The following PCDHGA6 variants were observed in gnomAD, a reference collection of about 807,000 sequenced individuals.
PCDHGA6 encodes the protein protocadherin gamma subfamily A, 6.
PCDHGA6 carries 41 observed loss-of-function variants against 60.6 expected under a neutral mutation model. The ratio of observed to expected loss-of-function variants is 0.68; its 90% confidence interval spans 0.53 to 0.88. The LOEUF (loss-of-function observed/expected upper bound fraction) is 0.88. Among genes scored for constraint, PCDHGA6 ranks in the 40% least tolerant of loss-of-function variants. The probability of loss-of-function intolerance (pLI) is 0.00; values close to 1 mark genes in which losing one functional copy is unlikely to be tolerated. For missense variants in PCDHGA6, 1,312 were observed against 1,203.0 expected, an observed-to-expected ratio of 1.09 and a Z score of -1.34; for synonymous variants, 594 against 524.4, an observed-to-expected ratio of 1.13 and a Z score of -1.81.
chr5:141,432,908 C>G lies in PCDHGA6; in HGVS notation c.2424+56401C>G, dbSNP rs757934634. 6.2e-7 allele frequency: 1 copy of G among 1,614,168 alleles called. No homozygotes were observed. Reference sequence around the variant, plus strand: ...CATCTTGCTGCTGGCGCTCAGGCTGCGGCGCTGGCACAAGTCACGCCTGCT... The same window carrying G: ...CATCTTGCTGCTGGCGCTCAGGCTGGGGCGCTGGCACAAGTCACGCCTGCT... On this transcript the variant is annotated intron_variant, in intron 1 of 3. Transcript: ENST00000517434. This position sits in a 1 kb window ranked among gnomAD's most constrained non-coding sequence, Gnocchi z 6.0.
In PCDHGA6 at chr5:141,503,070, G is replaced by A. The variant is rs868143537; in HGVS notation, c.2484-2323G>A. 1.5e-4 allele frequency among the ~76,000 whole-genome samples: 23 copies of A among 151,614 alleles called. No individual in the cohort carries two copies. The Middle Eastern group carries it at 0.01, about 68-fold the overall frequency. On this transcript the variant is annotated intron_variant, in intron 2 of 3. Coordinates refer to ENST00000517434, the MANE Select transcript of PCDHGA6 (RefSeq NM_018919.3). ...GGGTTTCACCATGTTGGTCAGAATGGTCTCGATCTCCTGACCTCGTGGTCT... is the reference window on the plus strand; with the variant it reads ...GGGTTTCACCATGTTGGTCAGAATGATCTCGATCTCCTGACCTCGTGGTCT...
intron 1 of PCDHGA6, among the ~76,000 whole-genome samples, chr5:141,437,777 C>T (rs998490046): frequency 2.0e-5 from 3 of 148,970 alleles, no homozygotes; most frequent in Admixed American, 6.7e-5. Context: ...CTCAATCTGT[C>T]GCCAAGCTGG....
chr5:141,446,222 G>C (rs74509878), intron 1 of PCDHGA6, among the ~76,000 whole-genome samples: 7,034 of 152,204 alleles, frequency 0.046, 244 homozygotes, highest in African/African-American at 0.093. Flanking sequence ...ATATTGTTGT[G>C]TTGCCTGGCA....
intron 1 of PCDHGA6, among the ~76,000 whole-genome samples, chr5:141,449,673 G>A (rs7725811): frequency 0.049 from 7,346 of 150,528 alleles, 281 homozygotes; most frequent in African/African-American, 0.1. Flanking sequence ...AAGTGTGTAT[G>A]TATATATGTT....
intron 1 of PCDHGA6, chr5:141,420,099 C>G: frequency 2.5e-6 from 4 of 1,613,996 alleles, no homozygotes; most frequent in Non-Finnish European, 3.4e-6. Context: ...AGTGAGGGAA[C>G]GTTGCCCTAT....
intron 2 of PCDHGA6, among the ~76,000 whole-genome samples, chr5:141,496,505 A>G (rs1166234572): frequency 1.3e-5 from 2 of 152,144 alleles, no homozygotes; most frequent in Non-Finnish European, 2.9e-5. Flanking sequence ...TGTTGCCACA[A>G]GGACCCAGGA....
chr5:141,392,916 G>A, intron 1 of PCDHGA6: 1 of 1,613,936 alleles, frequency 6.2e-7, no homozygotes, highest in Non-Finnish European at 8.5e-7. Context: ...TCGCTACTCT[G>A]TGCCAGAAGA....
At chr5:141,474,754 T>C (rs1351752958) in intron 1 of PCDHGA6, among the ~76,000 whole-genome samples, 4 of 152,228 alleles carry the variant, frequency 2.6e-5, no homozygotes, top group Non-Finnish European at 4.4e-5. Flanking sequence ...CCAAGACAAA[T>C]ATACAGAAAT....
intron 1 of PCDHGA6, chr5:141,394,938 G>A: frequency 6.2e-7 from 1 of 1,613,780 alleles, no homozygotes; most frequent in Non-Finnish European, 8.5e-7. Context: ...CGCCTTTGTC[G>A]CTGTGCTTCT....
At chr5:141,421,783 A>G in intron 1 of PCDHGA6, 1 of 1,613,882 alleles carries the variant, frequency 6.2e-7, no homozygotes, top group East Asian at 2.2e-5. Flanking sequence ...ACTGCGGGGC[A>G]GAACGGATGG....
intron 1 of PCDHGA6, chr5:141,378,704 G>A (rs1775100637): frequency 6.6e-6 from 1 of 152,054 alleles, no homozygotes. Flanking sequence ...AGACAATAAG[G>A]CTTTCATCAT....
chr5:141,446,917 C>G (rs979679080), intron 1 of PCDHGA6, among the ~76,000 whole-genome samples: 1 of 152,108 alleles, frequency 6.6e-6, no homozygotes, highest in South Asian at 2.1e-4. Flanking sequence ...TTTTATTTAT[C>G]TTCCTGATCT....
At chr5:141,393,515 T>C in intron 1 of PCDHGA6, 2 of 1,613,990 alleles carry the variant, frequency 1.2e-6, no homozygotes, top group Non-Finnish European at 1.7e-6. Context: ...CAGTGTTGGA[T>C]ACAAATGACA....
chr5:141,389,779 A>T (rs779598795), intron 1 of PCDHGA6: 1 of 1,613,298 alleles, frequency 6.2e-7, no homozygotes, highest in South Asian at 1.1e-5. Flanking sequence ...GCCTTAGGCG[A>T]CAGGGACGCC....
At chr5:141,394,019 T>C in intron 1 of PCDHGA6, 1 of 1,613,522 alleles carries the variant, frequency 6.2e-7, no homozygotes, top group Non-Finnish European at 8.5e-7. Flanking sequence ...GTAATTATTA[T>C]AGATTAGTGA....
intron 1 of PCDHGA6, among the ~76,000 whole-genome samples, chr5:141,464,426 GAT>G (rs1287556960): frequency 6.6e-6 from 1 of 151,096 alleles, no homozygotes; most frequent in African/African-American, 2.4e-5. Context: ...TATATATATA[GAT>G]ATATATGTTT....
chr5:141,409,951 G>C (rs1480000390), intron 1 of PCDHGA6: 1 of 1,613,256 alleles, frequency 6.2e-7, no homozygotes, highest in Non-Finnish European at 8.5e-7. Flanking sequence ...GCTCTGCAGA[G>C]CCCGGCTACC....
At chr5:141,384,266 C>A in intron 1 of PCDHGA6, 1 of 1,613,876 alleles carries the variant, frequency 6.2e-7, no homozygotes, top group Non-Finnish European at 8.5e-7. Context: ...CCCCACTCAT[C>A]CTACTCAGTC....
At chr5:141,413,716 C>T in intron 1 of PCDHGA6, 2 of 1,613,608 alleles carry the variant, frequency 1.2e-6, no homozygotes, top group Non-Finnish European at 1.7e-6. Flanking sequence ...CCCCAATAAG[C>T]ACTTCTCCCT....
Sources: gnomAD v4.1 joint callset for allele counts (sites outside exome capture counted in the v4.1 genomes callset) on GRCh38, gnomAD v4.1.1 for gene constraint, Gnocchi (gnomAD v3.1) non-coding constraint, MANE v1.5 for transcripts, NCBI Gene and HGNC (gene_info 2026-07-23, HGNC 2026-07-21) for gene names.